Variants in PLEKHG1 observed in about 807,000 individuals in gnomAD.
PLEKHG1 encodes pleckstrin homology domain-containing family G member 1.
PLEKHG1 carries 44 observed loss-of-function variants against 100.8 expected under a neutral mutation model. That is an observed-to-expected ratio of 0.44 (90% CI 0.34 to 0.56). The LOEUF is 0.56. PLEKHG1 is among the 20% of genes least tolerant of loss of function. The pLI is 0.01. For synonymous variants in PLEKHG1, 640 were observed against 662.5 expected (o/e 0.97, Z 0.52); for missense variants, 1,545 against 1,720.9 (o/e 0.90, Z 1.81).
At chr6:150,762,648 A>G (rs1562496356) in intron 2 of PLEKHG1, among the ~76,000 whole-genome samples, 1 of 152,098 alleles carries the variant, frequency 6.6e-6, no homozygotes, top group South Asian at 2.1e-4. Context: ...ACCCAGGGAA[A>G]ACTCTATCTC....
intron 2 of PLEKHG1, among the ~76,000 whole-genome samples, chr6:150,643,567 C>A (rs1030920137): frequency 2.0e-5 from 3 of 152,136 alleles, no homozygotes; most frequent in Non-Finnish European, 4.4e-5. Context: ...GTGGGGAGAA[C>A]CTTTCTTTTG....
chr6:150,820,416 C>T (rs114013813), intron 12 of PLEKHG1, among the ~76,000 whole-genome samples: 261 of 152,256 alleles, frequency 1.7e-3, no homozygotes, highest in African/African-American at 5.9e-3. Context: ...GCACCAGACT[C>T]CATGAACTAT....
chr6:150,758,600 G>T lies in PLEKHG1; in HGVS notation c.412-10038G>T, dbSNP rs60064631. Among the ~76,000 whole-genome samples the T allele has an allele frequency of 3.5e-3, 531 of 152,310 alleles. 4 individuals are homozygous for T. The highest frequency in any genetic ancestry group is 0.012 in the African/African-American group (507 of 41,574). Reference sequence around the variant, plus strand: ...TCTGCCTGCCTTGGCCTCCCAAAGTGCTGGGATTACAGGCGTGAGCCACCA... The same window carrying T: ...TCTGCCTGCCTTGGCCTCCCAAAGTTCTGGGATTACAGGCGTGAGCCACCA... On this transcript the variant is annotated intron_variant, in intron 2 of 15. Coordinates refer to ENST00000358517, the Ensembl canonical transcript of PLEKHG1.
At chr6:150,616,699 G>T (rs539279745) in intron 1 of PLEKHG1, among the ~76,000 whole-genome samples, 1 of 152,198 alleles carries the variant, frequency 6.6e-6, no homozygotes, top group Non-Finnish European at 1.5e-5. Context: ...GAGAGGAAAC[G>T]TCTAAAGATG....
chr6:150,657,672 A>T (rs1037359524), intron 3 of PLEKHG1, among the ~76,000 whole-genome samples: 1 of 152,190 alleles, frequency 6.6e-6, no homozygotes, highest in Admixed American at 6.5e-5. Context: ...ACTTGTTATA[A>T]AGCTAGGTAC....
chr6:150,644,352 T>TTTTTTTTTTTTTTTTTTTTTTTTTTTTTA (rs1582872452), intron 2 of PLEKHG1, among the ~76,000 whole-genome samples: 1 of 148,280 alleles, frequency 6.7e-6, no homozygotes, highest in African/African-American at 2.5e-5. Context: ...TTTTTTTTTT[T>TTTTTTTTTTTTTTTTTTTTTTTTTTTTTA]GTTACAGAGT....
chr6:150,615,648 A>G (rs961114517), intron 1 of PLEKHG1, among the ~76,000 whole-genome samples: 2 of 152,218 alleles, frequency 1.3e-5, no homozygotes, highest in African/African-American at 4.8e-5. Flanking sequence ...AATCAGACTG[A>G]GGAGGGATTT....
chr6:150,714,587 T>C (rs959744886), intron 3 of PLEKHG1, among the ~76,000 whole-genome samples: 12 of 152,214 alleles, frequency 7.9e-5, no homozygotes. Context: ...ATTTGTTTTC[T>C]AAAATTCTTA....
rs141215324 is a variant in PLEKHG1, at chr6:150,618,448, G to A, written c.-204+18431G>A. 4.3e-3 allele frequency among the ~76,000 whole-genome samples: 648 copies of A among 152,274 alleles called. 8 individuals are homozygous for A. The highest frequency in any genetic ancestry group is 0.014 in the African/African-American group (601 of 41,530). On this transcript the variant is annotated intron_variant, in intron 1 of 3. Coordinates refer to the PLEKHG1 transcript ENST00000367326. Reference sequence around the variant, plus strand: ...ATTCGTAATGTTTGCCAATATCCATGGTGTGGAAATATTCCCACTGTGGCT... The same window carrying A: ...ATTCGTAATGTTTGCCAATATCCATAGTGTGGAAATATTCCCACTGTGGCT...
chr6:150,763,580 G>A (rs995376536), intron 2 of PLEKHG1, among the ~76,000 whole-genome samples: 1 of 152,120 alleles, frequency 6.6e-6, no homozygotes, highest in Non-Finnish European at 1.5e-5. Context: ...TCCAGTCCAG[G>A]GGGTACCAAA....
chr6:150,702,557 G>GGGGTGTGTGTGTGTGT (rs1554261632), intron 3 of PLEKHG1, among the ~76,000 whole-genome samples: 23 of 142,830 alleles, frequency 1.6e-4, no homozygotes, highest in African/African-American at 4.5e-4. Flanking sequence ...TTTGTTTTGG[G>GGGGTGTGTGTGTGTGT]GTGTGTGTGT....
At chr6:150,763,083 A>T (rs1784267518) in intron 2 of PLEKHG1, among the ~76,000 whole-genome samples, 1 of 119,256 alleles carries the variant, frequency 8.4e-6, no homozygotes, top group Admixed American at 1.1e-4. Context: ...GCTGGAGTGC[A>T]ATGGCACAAT....
rs761947796 is a variant in PLEKHG1 at position 150,831,228 on chromosome 6, C to G, written c.2117C>G (p.Ala706Gly). ...GAGTTAGCCTTCACAAAGAGGCAAGCTGGCCACAGTAAGGGCTCTCTTTAC... is the reference window on the plus strand; with the variant it reads ...GAGTTAGCCTTCACAAAGAGGCAAGGTGGCCACAGTAAGGGCTCTCTTTAC... Residue 706 changes from alanine to glycine, a missense_variant, in exon 15 of 16, where the codon GCT becomes GGT. Physicochemically the swap from Ala to Gly is moderately conservative, Grantham distance 60 (BLOSUM62 0). Coordinates refer to ENST00000358517, the Ensembl canonical transcript of PLEKHG1. The surrounding 1 kb of genome is among the most constrained non-coding windows in gnomAD (Gnocchi z 4.1). 1.5e-5 allele frequency: 24 copies of G among 1,614,164 alleles called. No individual in the cohort carries two copies. Among genetic ancestry groups the G allele is most frequent in the Non-Finnish European group, 1.9e-5 (23 of 1,180,032 alleles).
intron 15 of PLEKHG1, among the ~76,000 whole-genome samples, chr6:150,836,172 T>C (rs1259082599): frequency 1.3e-5 from 2 of 151,406 alleles, no homozygotes; most frequent in Non-Finnish European, 2.9e-5. Context: ...AGGTCAGGAG[T>C]TCAAGACCAG....
intron 3 of PLEKHG1, among the ~76,000 whole-genome samples, chr6:150,711,702 G>GT (rs1478266150): frequency 1.3e-5 from 2 of 152,164 alleles, no homozygotes; most frequent in Non-Finnish European, 2.9e-5. Flanking sequence ...AGGCAGGGGT[G>GT]TTTATCTGTT....
At chr6:150,755,651 G>A (rs962188249) in intron 2 of PLEKHG1, among the ~76,000 whole-genome samples, 1 of 152,070 alleles carries the variant, frequency 6.6e-6, no homozygotes, top group African/African-American at 2.4e-5. Flanking sequence ...TCTGCTTCAC[G>A]CTGAAGCTAC....
chr6:150,604,583 G>A (rs548285020), intron 1 of PLEKHG1, among the ~76,000 whole-genome samples: 3 of 152,258 alleles, frequency 2.0e-5, no homozygotes, highest in South Asian at 2.1e-4. Context: ...CCGTATTTTC[G>A]TTGAGACCCA....
intron 3 of PLEKHG1, among the ~76,000 whole-genome samples, chr6:150,774,966 T>C (rs1321699840): frequency 6.6e-6 from 1 of 152,188 alleles, no homozygotes; most frequent in African/African-American, 2.4e-5. Flanking sequence ...TATTGGTATA[T>C]GACTAGATTT....
chr6:150,679,894 C>T (rs554375643), intron 3 of PLEKHG1, among the ~76,000 whole-genome samples: 19 of 152,018 alleles, frequency 1.2e-4, no homozygotes, highest in East Asian at 1.2e-3. Flanking sequence ...GGAACTGAGG[C>T]GGGGGCAGAA....
Sources: allele counts gnomAD v4.1 joint callset (sites outside exome capture counted in the v4.1 genomes callset), GRCh38; gene constraint gnomAD v4.1.1; non-coding constraint Gnocchi (gnomAD v3.1); transcripts MANE v1.5; gene names NCBI Gene and HGNC (gene_info 2026-07-23, HGNC 2026-07-21).